Variants in SIRPG observed in about 807,000 individuals in gnomAD.
SIRPG encodes the protein signal-regulatory protein gamma.
In SIRPG, 38 loss-of-function variants were observed where a neutral mutation model predicts 35.7. That is an observed-to-expected ratio of 1.06 (90% confidence interval 0.82 to 1.40). SIRPG has a LOEUF of 1.40. Among genes scored for constraint, SIRPG ranks in the 40% most tolerant of loss-of-function variants. The pLI, the probability that SIRPG is intolerant of heterozygous loss-of-function variation, is 0.00. For synonymous variants in SIRPG, 215 were observed against 190.4 expected (o/e 1.13, Z -1.06); for missense variants, 519 against 483.0 (o/e 1.07, Z -0.70).
rs181717930 is a variant in SIRPG at position 1,652,243 on chromosome 20, T to C, written c.74-2835A>G. 6.2e-4 allele frequency among the ~76,000 whole-genome samples: 94 copies of C among 152,324 alleles called. No homozygotes were observed. In the East Asian group the frequency reaches 0.016, roughly 26 times the overall value. On this transcript the variant is annotated intron_variant, in intron 1 of 5. Transcript: ENST00000303415. ...TTATCTACTAGAATCTACTGGCTTG[T>C]GGTCCAGATCTAGGGGGAATATTTC...
intron 2 of SIRPG, among the ~76,000 whole-genome samples, chr20:1,642,287 A>T (rs1424028744): frequency 6.6e-6 from 1 of 151,204 alleles, no homozygotes; most frequent in Non-Finnish European, 1.5e-5. Flanking sequence ...TATATTTAGG[A>T]TAGTTAGTTG....
the SIRPG span, among the ~76,000 whole-genome samples, chr20:1,685,803 C>T: frequency 3.3e-4 from 50 of 152,278 alleles, no homozygotes; most frequent in African/African-American, 1.2e-3. Flanking sequence ...ACATTGCTCC[C>T]CTGCCCAACT....
chr20:1,657,489 G>A (rs1438680993), intron 1 of SIRPG, among the ~76,000 whole-genome samples, 153 bp downstream of exon 1: 1 of 152,228 alleles, frequency 6.6e-6, no homozygotes. Context: ...CACAGAGAAA[G>A]TGCTCAGCTC....
rs1390688599 is a variant in SIRPG, at chr20:1,657,626, C to T, written c.73+16G>A. 1.9e-6 allele frequency: 3 copies of T among 1,613,648 alleles called. No individual in the cohort carries two copies. The highest frequency in any genetic ancestry group is 1.3e-5 in the African/African-American group (1 of 74,996). On this transcript the variant is annotated intron_variant, in intron 1 of 5. Coordinates refer to ENST00000303415, the MANE Select transcript of SIRPG (RefSeq NM_018556.4). The stretch of plus-strand genomic sequence containing the variant: ...GGAAGCAGGGAGAAAGGGTTCTAGC[C>T]CAATGCAATGCTCACCTGTAAGTCC...
intron 5 of SIRPG, 61 bp downstream of exon 5, chr20:1,630,161 T>G (rs941282540): frequency 7.7e-7 from 1 of 1,297,218 alleles, no homozygotes; most frequent in African/African-American, 1.5e-5. Context: ...GGGCTGGGCC[T>G]TCCTGTTGGC....
At chr20:1,663,110 G>A in the SIRPG span, among the ~76,000 whole-genome samples, 3 of 152,058 alleles carry the variant, frequency 2.0e-5, no homozygotes, top group Non-Finnish European at 2.9e-5. Context: ...TCAGGAGATC[G>A]AGACCATCCT....
intron 1 of SIRPG, among the ~76,000 whole-genome samples, chr20:1,651,809 C>T (rs1251620937): frequency 6.6e-6 from 1 of 152,074 alleles, no homozygotes; most frequent in Non-Finnish European, 1.5e-5. Context: ...ACTCTCTATC[C>T]TAAAATGTGT....
Position 1,655,392 on chromosome 20 carries a change from G to A in SIRPG, c.73+2250C>T, listed in dbSNP as rs138770243. ...CATTTGCAACAACATGGATGAACCT[G>A]GAGGACATTCTGCTAAGTGAAATAA... On this transcript the variant is annotated intron_variant, in intron 1 of 5. Transcript: ENST00000303415. Among the ~76,000 whole-genome samples the A allele has an allele frequency of 2.8e-3, 426 of 152,288 alleles. 2 individuals carry two copies. Among genetic ancestry groups the A allele is most frequent in the African/African-American group, 9.7e-3 (404 of 41,560 alleles).
intron 2 of SIRPG, among the ~76,000 whole-genome samples, chr20:1,645,190 G>A (rs935273873): frequency 2.0e-5 from 3 of 152,226 alleles, no homozygotes; most frequent in Non-Finnish European, 2.9e-5. Context: ...AGGGGTCCTG[G>A]CCAGGGCACT....
rs145055265 is a variant in SIRPG at position 1,631,194 on chromosome 20, C to T, written c.1082-888G>A. The stretch of plus-strand genomic sequence containing the variant: ...TATATTTTAAATAAATAAAATGGTG[C>T]TGGTGGGTCCTTAAGGAAGAAATGG... On this transcript the variant is annotated intron_variant, in intron 4 of 5. Transcript: ENST00000303415. Among the ~76,000 whole-genome samples the T allele has an allele frequency of 9.6e-3, 1,462 of 152,224 alleles. 14 individuals carry two copies. Among genetic ancestry groups the T allele is most frequent in the Middle Eastern group, 0.024 (7 of 294 alleles).
chr20:1,678,392 A>G, the SIRPG span, among the ~76,000 whole-genome samples: 1 of 152,258 alleles, frequency 6.6e-6, no homozygotes, highest in Non-Finnish European at 1.5e-5. Context: ...AAGAGAAATT[A>G]TAAAAAGAAA....
At chr20:1,650,790 C>G (rs2122556503) in intron 1 of SIRPG, among the ~76,000 whole-genome samples, 1 of 152,316 alleles carries the variant, frequency 6.6e-6, no homozygotes, top group South Asian at 2.1e-4. Flanking sequence ...AGGATAGAAT[C>G]TGAGACCCAC....
intron 1 of SIRPG, among the ~76,000 whole-genome samples, chr20:1,655,237 T>C (rs1600227961): frequency 1.3e-5 from 2 of 152,308 alleles, no homozygotes; most frequent in South Asian, 2.1e-4. Flanking sequence ...CCATGTCCAT[T>C]GCAGCATTAT....
intron 4 of SIRPG, among the ~76,000 whole-genome samples, chr20:1,631,693 G>A (rs1368894727): frequency 2.0e-5 from 3 of 152,308 alleles, no homozygotes; most frequent in African/African-American, 7.2e-5. Flanking sequence ...GAGGACCTCA[G>A]GGCTGGCAGT....
chr20:1,668,011 T>C, the SIRPG span, among the ~76,000 whole-genome samples: 1 of 152,222 alleles, frequency 6.6e-6, no homozygotes, highest in African/African-American at 2.4e-5. Flanking sequence ...TTACTCAGGA[T>C]GTATCCCCTT....
At chr20:1,671,816 C>A in the SIRPG span, among the ~76,000 whole-genome samples, 1 of 152,180 alleles carries the variant, frequency 6.6e-6, no homozygotes, top group Non-Finnish European at 1.5e-5. Context: ...AGGCACAGAT[C>A]GCTCATGTTG....
the SIRPG span, among the ~76,000 whole-genome samples, chr20:1,681,215 C>T: frequency 1.3e-5 from 2 of 152,224 alleles, no homozygotes; most frequent in African/African-American, 4.8e-5. Flanking sequence ...TACACATCCT[C>T]TTCCTCATAC....
chr20:1,660,296 G>A (rs558315310), upstream of SIRPG, among the ~76,000 whole-genome samples: 32 of 152,284 alleles, frequency 2.1e-4, no homozygotes, highest in South Asian at 6.2e-4. Flanking sequence ...AGTAAGCTGG[G>A]TGATTATGTA....
At chr20:1,677,919 TC>T in the SIRPG span, among the ~76,000 whole-genome samples, 7 of 152,214 alleles carry the variant, frequency 4.6e-5, no homozygotes, top group African/African-American at 1.2e-4. Context: ...AGAGTATATT[TC>T]ATGGGCTCTT....
Sources: gnomAD v4.1 joint callset for allele counts (sites outside exome capture counted in the v4.1 genomes callset) on GRCh38, gnomAD v4.1.1 for gene constraint, MANE v1.5 for transcripts, NCBI Gene and HGNC (gene_info 2026-07-23, HGNC 2026-07-21) for gene names.